The following LEPR variants were observed in gnomAD, a reference collection of about 807,000 sequenced individuals.
The protein encoded by LEPR is OB receptor.
LEPR carries 56 observed loss-of-function variants against 114.7 expected under a neutral mutation model. That is an observed-to-expected ratio of 0.49 (90% CI 0.39 to 0.61). The LOEUF (loss-of-function observed/expected upper bound fraction) is 0.61. LEPR is among the 20% of genes least tolerant of loss of function. The probability of loss-of-function intolerance (pLI) is 0.00; values close to 1 mark genes in which losing one functional copy is unlikely to be tolerated. For synonymous variants in LEPR, 443 were observed against 461.4 expected (o/e 0.96, Z 0.51); for missense variants, 1,202 against 1,352.9 (o/e 0.89, Z 1.75).
chr1:65,436,020 T>C lies in LEPR; in HGVS notation c.-21+10642T>C, dbSNP rs550312980. ...ATTGACATTTTAACAAAGGCTTTTATGTACATTATTAAATGAAAAAGTTTA... is the reference window on the plus strand; with the variant it reads ...ATTGACATTTTAACAAAGGCTTTTACGTACATTATTAAATGAAAAAGTTTA... On this transcript the variant is annotated intron_variant, in intron 2 of 19. Transcript: ENST00000349533. 37 of 983,460 alleles carry C rather than the reference T, an allele frequency of 3.8e-5. No homozygotes were observed. The South Asian group carries it at 1.4e-3, about 36-fold the overall frequency. 60.9% of individuals were successfully genotyped at this position (983,460 alleles called of 1,614,324 possible). A position where few individuals can be genotyped will look rare whatever the true frequency, so the allele number is the denominator to read the frequency against.
intron 14 of LEPR, among the ~76,000 whole-genome samples, chr1:65,613,625 C>A (rs1350065157): frequency 1.5e-5 from 2 of 129,610 alleles, no homozygotes; most frequent in South Asian, 4.7e-4. Context: ...CGGTGGCGGG[C>A]GCCTGTAGTC....
intron 3 of LEPR, among the ~76,000 whole-genome samples, 177 bp from the exon 4 acceptor site, chr1:65,570,296 C>G (rs182585695): frequency 6.6e-6 from 1 of 152,086 alleles, no homozygotes; most frequent in African/African-American, 2.4e-5. Flanking sequence ...TGAATGCATC[C>G]TCTTGAATGT....
intron 2 of LEPR, among the ~76,000 whole-genome samples, chr1:65,481,405 A>C (rs1372312743): frequency 1.3e-5 from 2 of 152,188 alleles, no homozygotes; most frequent in Non-Finnish European, 2.9e-5. Flanking sequence ...AATTAAATAC[A>C]CCAATAATAT....
intron 2 of LEPR, chr1:65,430,067 T>C (rs375811753): frequency 3.2e-6 from 5 of 1,543,506 alleles, no homozygotes; most frequent in African/African-American, 1.4e-5. Flanking sequence ...TATTTTCTAT[T>C]GTTTTGCCCA....
intron 2 of LEPR, among the ~76,000 whole-genome samples, chr1:65,456,730 T>C (rs553451577): frequency 6.6e-6 from 1 of 152,344 alleles, no homozygotes; most frequent in African/African-American, 2.4e-5. Flanking sequence ...AGACAACATA[T>C]ACTTGGGTCT....
At chr1:65,567,499 G>T (rs1001011390) in intron 3 of LEPR, among the ~76,000 whole-genome samples, 2 of 152,120 alleles carry the variant, frequency 1.3e-5, no homozygotes, top group Non-Finnish European at 2.9e-5. Context: ...ATTTACTTTT[G>T]GTAATGTTGT....
At position 65,636,659 on chromosome 1, in the gene LEPR, TCACCA is replaced by T. The variant is rs1658730646; in HGVS notation, c.3147_3151del (p.Leu1051IlefsTer7). On this transcript the variant is annotated frameshift_variant, in exon 20 of 20. Transcript: ENST00000349533. LOFTEE classifies it high-confidence loss of function. ...ATCAGATCAGCATCCCAACATAATT[TCACCA>T]CACCTCACATTCTCAGAAGGATTGG... 1 of 1,609,670 alleles carries T rather than the reference TCACCA, an allele frequency of 6.2e-7. No individual in the cohort carries two copies. The highest frequency in any genetic ancestry group is 1.7e-5 in the Admixed American group (1 of 59,656).
intron 14 of LEPR, among the ~76,000 whole-genome samples, chr1:65,611,166 T>C (rs1286332924): frequency 6.6e-6 from 1 of 152,242 alleles, no homozygotes; most frequent in African/African-American, 2.4e-5. Context: ...TTAAAAAATT[T>C]AGTTTCTTTT....
intron 2 of LEPR, among the ~76,000 whole-genome samples, chr1:65,547,522 T>C (rs1651856343): frequency 6.6e-6 from 1 of 152,026 alleles, no homozygotes; most frequent in East Asian, 1.9e-4. Flanking sequence ...AACTTCTTCC[T>C]GATTTAGTCT....
chr1:65,494,790 G>A (rs1368127463), intron 2 of LEPR, among the ~76,000 whole-genome samples: 1 of 151,966 alleles, frequency 6.6e-6, no homozygotes, highest in African/African-American at 2.4e-5. Flanking sequence ...CTGCTAGGTG[G>A]TTCTGGAAAT....
Position 65,633,570 on chromosome 1 carries a change from A to G in LEPR, c.2674-2621A>G. ...GTAATTAGGTGAACTCTAAAACTGCAACATCTGACAAATAGCTTTAAAAAT... is the reference window on the plus strand; with the variant it reads ...GTAATTAGGTGAACTCTAAAACTGCGACATCTGACAAATAGCTTTAAAAAT... On this transcript the variant is annotated intron_variant, in intron 19 of 19. Coordinates refer to ENST00000349533, the MANE Select transcript of LEPR (RefSeq NM_002303.6). The surrounding 1 kb of genome is among the most constrained non-coding windows in gnomAD (Gnocchi z 4.1). 4 of 998,796 alleles carry G rather than the reference A, an allele frequency of 4.0e-6. No homozygotes were observed. Among genetic ancestry groups the G allele is most frequent in the Non-Finnish European group, 4.8e-6 (4 of 837,784 alleles). The allele number at this position is 998,796 out of a possible 1,614,324, so 61.9% of individuals were successfully genotyped here. A position where few individuals can be genotyped will look rare whatever the true frequency, so the allele number is the denominator to read the frequency against.
intron 2 of LEPR, chr1:65,433,403 T>C (rs1364136467): frequency 1.0e-6 from 1 of 985,350 alleles, no homozygotes; most frequent in East Asian, 1.1e-4. Context: ...CAGTTTTCCC[T>C]GCTCACCTTT....
chr1:65,565,595 G>A lies in LEPR; in HGVS notation c.30G>A (p.Leu10=), dbSNP rs1390307326. ...TTTGTCAAAAATTCTGTGTGGTTTTGTTACATTGGGGTAAGTTATTTGCTC... is the reference window on the plus strand; with the variant it reads ...TTTGTCAAAAATTCTGTGTGGTTTTATTACATTGGGGTAAGTTATTTGCTC... MICQKFCVV[L]LHWEFIYVIT... is the part of the protein sequence containing the mutation. Residue 10 remains leucine, a synonymous_variant, in exon 3 of 20, where the codon TTG becomes TTA. Coordinates refer to ENST00000349533, the MANE Select transcript of LEPR (RefSeq NM_002303.6). The A allele has an allele frequency of 6.2e-7, 1 of 1,613,840 alleles. No homozygotes were observed. The highest frequency in any genetic ancestry group is 1.1e-5 in the South Asian group (1 of 91,072).
intron 10 of LEPR, among the ~76,000 whole-genome samples, chr1:65,604,102 T>C (rs879593647): frequency 2.9e-4 from 44 of 152,220 alleles, no homozygotes; most frequent in Admixed American, 5.2e-4. Context: ...TAATACATAA[T>C]GTTTGTTTAA....
intron 6 of LEPR, among the ~76,000 whole-genome samples, chr1:65,594,124 G>C (rs1403074796): frequency 6.6e-6 from 1 of 151,848 alleles, no homozygotes; most frequent in South Asian, 2.1e-4. Context: ...GGAGTGTCAG[G>C]GACTATTATT....
intron 2 of LEPR, among the ~76,000 whole-genome samples, chr1:65,543,735 C>G (rs979877313): frequency 6.6e-6 from 1 of 151,974 alleles, no homozygotes. Flanking sequence ...AATCCTTTCC[C>G]CATTGCTTGT....
intron 2 of LEPR, among the ~76,000 whole-genome samples, chr1:65,481,038 C>A (rs1647223173): frequency 6.6e-6 from 1 of 152,150 alleles, no homozygotes; most frequent in South Asian, 2.1e-4. Context: ...AGTCTAAGAT[C>A]AAGGTGTTGG....
chr1:65,424,006 A>G (rs892394212), intron 1 of LEPR, among the ~76,000 whole-genome samples: 11 of 152,144 alleles, frequency 7.2e-5, no homozygotes, highest in African/African-American at 2.7e-4. Flanking sequence ...CATTATTTCC[A>G]TTTTACAGGT....
At chr1:65,578,184 C>CAT (rs1259006694) in intron 5 of LEPR, 3 of 150,628 alleles carry the variant, frequency 2.0e-5, no homozygotes, top group African/African-American at 5.4e-5. Context: ...GTATGTGCCA[C>CAT]ATTTTCCTTA....
Sources: allele counts gnomAD v4.1 joint callset (sites outside exome capture counted in the v4.1 genomes callset), GRCh38; gene constraint gnomAD v4.1.1; non-coding constraint Gnocchi (gnomAD v3.1); transcripts MANE v1.5; gene names NCBI Gene and HGNC (gene_info 2026-07-23, HGNC 2026-07-21).